Variants in CMC2 observed in about 807,000 individuals in gnomAD.
The protein encoded by CMC2 is COX assembly mitochondrial protein 2 homolog.
In CMC2, 5 loss-of-function variants were observed where a neutral mutation model predicts 7.5. That is an observed-to-expected ratio of 0.66 (90% CI 0.35 to 1.40). The LOEUF (loss-of-function observed/expected upper bound fraction) is 1.40. CMC2 is among the 40% of genes most tolerant of loss of function. CMC2 has a pLI of 0.04. For synonymous variants in CMC2, 37 were observed against 31.4 expected (o/e 1.18, Z -0.60); for missense variants, 115 against 92.3 (o/e 1.25, Z -1.01).
chr16:81,004,017 G>A (rs1252543518), intron 1 of CMC2, among the ~76,000 whole-genome samples: 1 of 152,216 alleles, frequency 6.6e-6, no homozygotes, highest in Non-Finnish European at 1.5e-5. Flanking sequence ...GAGGTCAGGA[G>A]TTCGAGACCA....
At chr16:81,003,942 G>T (rs571346759) in intron 1 of CMC2, among the ~76,000 whole-genome samples, 14 of 152,220 alleles carry the variant, frequency 9.2e-5, no homozygotes, top group Non-Finnish European at 1.6e-4. Context: ...CTTATGTGAG[G>T]CTGGAAGCTG....
chr16:80,992,705 CTT>C (rs71390989), intron 2 of CMC2, among the ~76,000 whole-genome samples: 4 of 92,516 alleles, frequency 4.3e-5, no homozygotes, highest in Non-Finnish European at 4.5e-5. Context: ...ATTCCCCCTC[CTT>C]TTTTTTTTTT....
chr16:81,000,422 G>C (rs905472496), intron 1 of CMC2, among the ~76,000 whole-genome samples: 3 of 152,184 alleles, frequency 2.0e-5, no homozygotes, highest in African/African-American at 4.8e-5. Flanking sequence ...CTTGAACCCA[G>C]GAGGCGGAGG....
In CMC2 at chr16:80,976,048, G is replaced by C; in HGVS notation, c.*45C>G. The C allele has an allele frequency of 6.5e-6, 7 of 1,076,932 alleles. No individual in the cohort carries two copies. The highest frequency in any genetic ancestry group is 1.0e-5 in the Non-Finnish European group (7 of 694,044). 66.7% of individuals were successfully genotyped at this position (1,076,932 alleles called of 1,614,324 possible). ...GGATTCTTTCAGGTATCAACCCAGA[G>C]TCTTTAGGTCTTCTCTCAGCCAAGG... is the stretch of plus-strand genomic sequence containing the variant. On this transcript the variant is annotated 3_prime_UTR_variant, in exon 4 of 4. Transcript: ENST00000219400.
intron 2 of CMC2, 153 bp downstream of exon 2, chr16:80,997,161 A>G: frequency 1.6e-6 from 1 of 615,546 alleles, no homozygotes; most frequent in South Asian, 1.9e-5. Context: ...AAAAAAAGAA[A>G]AAAATCGCAC....
At position 80,973,003 on chromosome 16, in the gene CMC2, T is replaced by C. The variant is rs1425756384; in HGVS notation, c.*3090A>G. 4 of 152,372 alleles carry C rather than the reference T, an allele frequency of 2.6e-5. No individual in the cohort carries two copies. Among genetic ancestry groups the C allele is most frequent in the African/African-American group, 9.6e-5 (4 of 41,470 alleles). The allele number at this position is 152,372 out of a possible 1,614,324, so 9.4% of individuals were successfully genotyped here. On this transcript the variant is annotated 3_prime_UTR_variant, in exon 4 of 4. Transcript: ENST00000219400. ...TCCAGCTTCTTCGGCTTCCACTGCA[T>C]ATGGGAATTCAAAATATTTGGAAAT...
chr16:80,977,423 T>C (rs2151612851), intron 3 of CMC2, among the ~76,000 whole-genome samples: 1 of 152,320 alleles, frequency 6.6e-6, no homozygotes, highest in South Asian at 2.1e-4. Context: ...TGAGTGTGTT[T>C]TCCCCTGGGC....
rs879446241 is a variant in CMC2 at position 80,973,213 on chromosome 16, G to A, written c.*2880C>T. ...GGGAGCCAGAGAATGGGGCCGGCTT[G>A]GGATGAGTTCTAGAGGCCTGGCCCT... On this transcript the variant is annotated 3_prime_UTR_variant, in exon 4 of 4. Transcript: ENST00000219400. The A allele has an allele frequency of 1.3e-5, 2 of 152,260 alleles. No homozygotes were observed. The highest frequency in any genetic ancestry group is 2.9e-5 in the Non-Finnish European group (2 of 68,108). The allele number at this position is 152,260 out of a possible 1,614,324, so 9.4% of individuals were successfully genotyped here.
intron 2 of CMC2, among the ~76,000 whole-genome samples, chr16:80,986,099 G>C (rs1260505587): frequency 6.6e-6 from 1 of 152,172 alleles, no homozygotes; most frequent in African/African-American, 2.4e-5. Context: ...TGTAATTCCA[G>C]CACTTTGGGA....
rs1555512301 is a variant in CMC2, at chr16:80,971,584, A to ATG, written c.*4507_*4508dup. 7.2e-6 allele frequency: 1 copy of ATG among 139,546 alleles called. No individual in the cohort carries two copies. Among genetic ancestry groups the ATG allele is most frequent in the Non-Finnish European group, 1.5e-5 (1 of 66,284 alleles). The allele number at this position is 139,546 out of a possible 1,614,324, so 8.6% of individuals were successfully genotyped here. ...ACATTTTATATATATATATATATAT[A>ATG]TGTATGAAATCATGCATATATATAT... On this transcript the variant is annotated 3_prime_UTR_variant, in exon 4 of 4. Coordinates refer to ENST00000219400, the MANE Select transcript of CMC2 (RefSeq NM_020188.5).
chr16:80,993,242 C>T (rs1968147988), intron 2 of CMC2, among the ~76,000 whole-genome samples: 1 of 152,166 alleles, frequency 6.6e-6, no homozygotes, highest in Non-Finnish European at 1.5e-5. Flanking sequence ...CAACAGACTA[C>T]AGGACTGTGA....
At chr16:80,991,056 C>T (rs1967953656) in intron 2 of CMC2, among the ~76,000 whole-genome samples, 1 of 150,692 alleles carries the variant, frequency 6.6e-6, no homozygotes, top group Non-Finnish European at 1.5e-5. Flanking sequence ...GCTGCACTGC[C>T]AACTGAAAGA....
intron 1 of CMC2, among the ~76,000 whole-genome samples, chr16:81,001,967 T>C (rs73593377): frequency 0.063 from 9,556 of 152,226 alleles, 971 homozygotes; most frequent in African/African-American, 0.21. Context: ...TGCCTGCCAC[T>C]GACTCCAAGA....
intron 1 of CMC2, among the ~76,000 whole-genome samples, chr16:81,003,918 T>C (rs1348785628): frequency 1.3e-5 from 2 of 152,242 alleles, no homozygotes; most frequent in Non-Finnish European, 2.9e-5. Flanking sequence ...AGTGATGGCA[T>C]GGGTTTAAAA....
intron 3 of CMC2, chr16:80,978,220 G>C: frequency 9.8e-7 from 1 of 1,023,514 alleles, no homozygotes; most frequent in Non-Finnish European, 1.2e-6. Context: ...TACCTGCTCT[G>C]AGAAAAAGCT....
chr16:80,991,978 T>C (rs966480275), intron 2 of CMC2: 4 of 455,270 alleles, frequency 8.8e-6, no homozygotes, highest in East Asian at 7.0e-5. Flanking sequence ...GAAAAGACAT[T>C]AGGTAAACAC....
chr16:81,002,505 A>G (rs1968940381), intron 1 of CMC2, among the ~76,000 whole-genome samples: 3 of 152,190 alleles, frequency 2.0e-5, no homozygotes, highest in Admixed American at 2.0e-4. Context: ...ATTTGACAAA[A>G]TATTTTTGCA....
rs143863809 is a variant in CMC2, at chr16:81,004,339, T to C, written c.-36+2395A>G. 3.9e-5 allele frequency among the ~76,000 whole-genome samples: 6 copies of C among 152,346 alleles called. No homozygotes were observed. The East Asian group carries it at 1.2e-3, about 29-fold the overall frequency. On this transcript the variant is annotated intron_variant, in intron 1 of 3. Coordinates refer to ENST00000219400, the MANE Select transcript of CMC2 (RefSeq NM_020188.5). Reference sequence around the variant, plus strand: ...AGAGGGATAAATTCCATTCAAACTGTTATTATTTGAATAGAATAATATTTA... The same window carrying C: ...AGAGGGATAAATTCCATTCAAACTGCTATTATTTGAATAGAATAATATTTA...
intron 3 of CMC2, among the ~76,000 whole-genome samples, chr16:80,977,645 C>G (rs778154822): frequency 1.3e-5 from 2 of 152,048 alleles, no homozygotes; most frequent in African/African-American, 2.4e-5. Context: ...CTCTTCTGGA[C>G]CAGTAACTTC....
Sources: allele counts gnomAD v4.1 joint callset (sites outside exome capture counted in the v4.1 genomes callset), GRCh38; gene constraint gnomAD v4.1.1; transcripts MANE v1.5; gene names NCBI Gene and HGNC (gene_info 2026-07-23, HGNC 2026-07-21).